The following LRP2 variants were observed in gnomAD, a reference collection of about 807,000 sequenced individuals.
LRP2 encodes the protein LDL receptor related protein 2.
A neutral mutation model predicts 531.0 loss-of-function variants in LRP2; 172 were observed. The ratio of observed to expected loss-of-function variants is 0.32; its 90% CI spans 0.29 to 0.37. The LOEUF is 0.37. Among genes scored for constraint, LRP2 ranks in the 10% least tolerant of loss-of-function variants. The pLI, the probability that LRP2 is intolerant of heterozygous loss-of-function variation, is 1.00. For missense variants in LRP2, 5,167 were observed against 5,868.3 expected, an observed-to-expected ratio of 0.88 and a Z score of 3.90; for synonymous variants, 1,992 against 2,027.6, an observed-to-expected ratio of 0.98 and a Z score of 0.47.
intron 4 of LRP2, among the ~76,000 whole-genome samples, chr2:169,302,262 G>A (rs1427701013): frequency 6.6e-6 from 1 of 152,058 alleles, no homozygotes; most frequent in East Asian, 1.9e-4. Flanking sequence ...ACTAAGTACT[G>A]CTATGACTAA....
chr2:169,336,161 A>G (rs144308184), intron 1 of LRP2, among the ~76,000 whole-genome samples: 2 of 152,338 alleles, frequency 1.3e-5, no homozygotes, highest in East Asian at 1.9e-4. Flanking sequence ...ATTCAAAGAA[A>G]AACTTTATTA....
chr2:169,219,469 C>A (rs1688910353), intron 34 of LRP2, among the ~76,000 whole-genome samples: 1 of 152,214 alleles, frequency 6.6e-6, no homozygotes, highest in Non-Finnish European at 1.5e-5. Flanking sequence ...TCCATTAAGA[C>A]CATTTTCTCC....
At chr2:169,150,800 T>C (rs1384724386) in intron 68 of LRP2, 98 bp downstream of exon 68, 1 of 1,485,500 alleles carries the variant, frequency 6.7e-7, no homozygotes, top group East Asian at 2.3e-5. Context: ...GAAGGACAAT[T>C]TCAGTTAAAC....
chr2:169,348,099 T>C (rs139946918), intron 1 of LRP2, among the ~76,000 whole-genome samples: 90 of 152,312 alleles, frequency 5.9e-4, no homozygotes, highest in African/African-American at 2.1e-3. Context: ...ATTGTCTTGG[T>C]CCTTTATCCA....
intron 49 of LRP2, among the ~76,000 whole-genome samples, chr2:169,186,432 C>T (rs1192608338): frequency 1.3e-5 from 2 of 152,204 alleles, no homozygotes; most frequent in Non-Finnish European, 2.9e-5. Flanking sequence ...ATTTGCCTCT[C>T]ACGAGATGGC....
At position 169,205,526 on chromosome 2, in the gene LRP2, C is replaced by T; in HGVS notation, c.7668G>A (p.Leu2556=). ...VNSSLVMPSG[L]TLDYEEDLLY... ...GAAGGTCCTCTTCATAGTCCAGAGT[C>T]AGCCCACTGGGCATGACCAGACTGC... The change falls in exon 41 of 79, where the codon CTG becomes CTA. Residue 2556 remains leucine (L), a synonymous_variant. Transcript: ENST00000649046. 6.2e-7 allele frequency: 1 copy of T among 1,614,134 alleles called. No homozygotes were observed.
intron 16 of LRP2, among the ~76,000 whole-genome samples, chr2:169,263,954 G>A (rs894804899): frequency 1.3e-5 from 2 of 152,100 alleles, no homozygotes; most frequent in Non-Finnish European, 2.9e-5. Context: ...TAGGGACATG[G>A]ATGAAATTGG....
rs1032145173 is a variant in LRP2, at chr2:169,287,649, T to G, written c.1042+1377A>C. Among the ~76,000 whole-genome samples, 22 of 151,048 alleles carry G rather than the reference T, an allele frequency of 1.5e-4. No homozygotes were observed. The South Asian group carries it at 1.7e-3, about 11-fold the overall frequency. Reference sequence around the variant, plus strand: ...TGCTAGCACTTCCGCTGAAGAATAATAATAATAATAATAATAAAGAAAAAA... The same window carrying G: ...TGCTAGCACTTCCGCTGAAGAATAAGAATAATAATAATAATAAAGAAAAAA... On this transcript the variant is annotated intron_variant, in intron 9 of 78. Coordinates refer to ENST00000649046, the MANE Select transcript of LRP2 (RefSeq NM_004525.3).
chr2:169,301,665 T>G (rs1257598735), intron 4 of LRP2, among the ~76,000 whole-genome samples: 2 of 152,134 alleles, frequency 1.3e-5, no homozygotes, highest in African/African-American at 4.8e-5. Context: ...ATAATCTTTT[T>G]GTTGAGACCC....
chr2:169,152,143 C>A (rs1686165002), intron 67 of LRP2, among the ~76,000 whole-genome samples: 1 of 152,158 alleles, frequency 6.6e-6, no homozygotes, highest in Non-Finnish European at 1.5e-5. Flanking sequence ...CACACACCTA[C>A]CTGATGATAA....
Position 169,362,509 on chromosome 2 carries a change from C to T in LRP2, c.-110G>A. On this transcript the variant is annotated 5_prime_UTR_variant, in exon 1 of 79. Coordinates refer to ENST00000649046, the MANE Select transcript of LRP2 (RefSeq NM_004525.3). ...GAACGCTCCTTTAGGTCTGCACCTC[C>T]GCCAGCTCCTAGTGGCCAAAAGCCT... is the stretch of plus-strand genomic sequence containing the variant. 1 of 966,440 alleles carries T rather than the reference C, an allele frequency of 1.0e-6. No homozygotes were observed. Among genetic ancestry groups the T allele is most frequent in the Non-Finnish European group, 1.6e-6 (1 of 629,744 alleles). 59.9% of individuals were successfully genotyped at this position (966,440 alleles called of 1,614,324 possible).
chr2:169,305,550 G>A (rs934951119), intron 4 of LRP2, among the ~76,000 whole-genome samples: 9 of 152,196 alleles, frequency 5.9e-5, no homozygotes, highest in Non-Finnish European at 1.3e-4. Context: ...GATATCCCGT[G>A]AGAATAGGCT....
chr2:169,357,010 T>C (rs548485528), intron 1 of LRP2, among the ~76,000 whole-genome samples: 2 of 152,282 alleles, frequency 1.3e-5, no homozygotes, highest in South Asian at 2.1e-4. Context: ...TAAATATTCA[T>C]GGAAAAAATA....
At chr2:169,134,767 C>T (rs1685433659) in intron 76 of LRP2, among the ~76,000 whole-genome samples, 2 of 152,130 alleles carry the variant, frequency 1.3e-5, no homozygotes, top group Non-Finnish European at 2.9e-5. Flanking sequence ...TTCCTCACTA[C>T]ACAAGGGTCC....
At chr2:169,327,741 G>A (rs1315046357) in intron 1 of LRP2, among the ~76,000 whole-genome samples, 120 of 124,540 alleles carry the variant, frequency 9.6e-4, no homozygotes, top group African/African-American at 3.5e-3. Context: ...CAGCCGCCCC[G>A]TCCGGGAGGG....
At chr2:169,189,994 G>T (rs546005802) in intron 48 of LRP2, among the ~76,000 whole-genome samples, 2 of 152,258 alleles carry the variant, frequency 1.3e-5, no homozygotes, top group African/African-American at 4.8e-5. Flanking sequence ...GCTCAGAATG[G>T]GAGGAATAAA....
Position 169,152,855 on chromosome 2 carries a change from G to A in LRP2, c.12405C>T (p.Asp4135=), listed in dbSNP as rs1686195332. Reference sequence around the variant, plus strand: ...GCTGCATTACGTATTTCAGTTTCAGGTCAACTTCCTGCACAAGATTATTGC... The same window carrying A: ...GCTGCATTACGTATTTCAGTTTCAGATCAACTTCCTGCACAAGATTATTGC... The part of the protein sequence containing the change: ...SGRNNLVQEV[D]LKLKYVMQPD... The change falls in exon 67 of 79, where the codon GAC becomes GAT. Residue 4135 remains aspartate (D), a synonymous_variant. Coordinates refer to ENST00000649046, the MANE Select transcript of LRP2 (RefSeq NM_004525.3). 3 of 1,614,074 alleles carry A rather than the reference G, an allele frequency of 1.9e-6. No homozygotes were observed. The highest frequency in any genetic ancestry group is 2.5e-6 in the Non-Finnish European group (3 of 1,179,958).
intron 1 of LRP2, among the ~76,000 whole-genome samples, chr2:169,355,132 T>G (rs1436366600): frequency 6.6e-6 from 1 of 152,346 alleles, no homozygotes; most frequent in African/African-American, 2.4e-5. Flanking sequence ...AAGAAAACTT[T>G]AGGATCCAAA....
intron 43 of LRP2, 60 bp from the exon 44 acceptor site, chr2:169,201,930 A>T: frequency 6.3e-7 from 1 of 1,597,146 alleles, no homozygotes; most frequent in South Asian, 1.1e-5. Context: ...CCTAATTTTT[A>T]AAAAGATACA....
Sources: gnomAD v4.1 joint callset for allele counts (sites outside exome capture counted in the v4.1 genomes callset) on GRCh38, gnomAD v4.1.1 for gene constraint, MANE v1.5 for transcripts, NCBI Gene and HGNC (gene_info 2026-07-23, HGNC 2026-07-21) for gene names.